GBF1: variants seen among roughly 807,000 people sequenced by gnomAD.
GBF1 encodes the protein Golgi-specific brefeldin A-resistance guanine nucleotide exchange factor 1.
GBF1 carries 114 observed loss-of-function variants against 210.5 expected under a neutral mutation model. The ratio of observed to expected loss-of-function variants is 0.54; its 90% CI spans 0.47 to 0.63. The LOEUF (loss-of-function observed/expected upper bound fraction) is 0.63, where lower values mean the gene tolerates loss of function less well. Among genes scored for constraint, GBF1 ranks in the 30% least tolerant of loss-of-function variants. GBF1 has a pLI of 0.00. For missense variants in GBF1, 1,851 were observed against 2,357.7 expected, an observed-to-expected ratio of 0.79 and a Z score of 4.45; for synonymous variants, 850 against 889.2, an observed-to-expected ratio of 0.96 and a Z score of 0.78.
At chr10:102,236,096 T>C in the GBF1 span, among the ~76,000 whole-genome samples, 43 of 152,206 alleles carry the variant, frequency 2.8e-4, no homozygotes, top group African/African-American at 9.6e-4. Context: ...GGTGGGGGCA[T>C]AGACCTCTAG....
At chr10:102,263,680 A>C (rs920181289) in intron 3 of GBF1, among the ~76,000 whole-genome samples, 3 of 152,200 alleles carry the variant, frequency 2.0e-5, no homozygotes, top group East Asian at 3.8e-4. Context: ...CTAAGTCCAT[A>C]CTAGTTTTTC....
In GBF1 at chr10:102,358,486, TCACATA is replaced by T. The variant is rs760364849; in HGVS notation, c.788-18_788-13del. The T allele has an allele frequency of 6.4e-7, 1 of 1,561,546 alleles. No homozygotes were observed. Among genetic ancestry groups the T allele is most frequent in the South Asian group, 1.1e-5 (1 of 90,038 alleles). ...CAGCCTCTTTCTTCTCCTTCAAGCG[TCACATA>T]CTTTTCTTGGCAGGTGGCATGCCCT... On this transcript the variant is annotated splice_polypyrimidine_tract_variant and intron_variant, in intron 9 of 39. Transcript: ENST00000369983.
In GBF1 at chr10:102,382,460, TG is replaced by T. The variant is rs2060914537; in HGVS notation, c.*128del. On this transcript the variant is annotated 3_prime_UTR_variant, in exon 40 of 40. Coordinates refer to ENST00000369983, the MANE Select transcript of GBF1 (RefSeq NM_001377137.1). ...AGAGCTGCTGTTGCTGCCACTTGGA[TG>T]GGGACCTGAAAAAGAGAATGTTGAT... 1 of 800,366 alleles carries T rather than the reference TG, an allele frequency of 1.2e-6. No homozygotes were observed. The highest frequency in any genetic ancestry group is 2.8e-5 in the Admixed American group (1 of 36,048). 49.6% of individuals were successfully genotyped at this position (800,366 alleles called of 1,614,324 possible).
In GBF1 at chr10:102,366,540, C is replaced by A. The variant is rs1211695063; in HGVS notation, c.2433+34C>A. On this transcript the variant is annotated intron_variant, in intron 19 of 39. Transcript: ENST00000369983. This position sits in a 1 kb window ranked among gnomAD's most constrained non-coding sequence, Gnocchi z 4.0. Reference sequence around the variant, plus strand: ...GAGTGTCAGGGGCTGAGCCCAGGATCCAAGGTCAGTTTGACTGAGGGCTGA... The same window carrying A: ...GAGTGTCAGGGGCTGAGCCCAGGATACAAGGTCAGTTTGACTGAGGGCTGA... 9 of 1,593,140 alleles carry A rather than the reference C, an allele frequency of 5.6e-6. No individual in the cohort carries two copies. The highest frequency in any genetic ancestry group is 7.7e-6 in the Non-Finnish European group (9 of 1,163,524).
intron 3 of GBF1, among the ~76,000 whole-genome samples, chr10:102,316,644 A>T (rs928758851): frequency 5.3e-5 from 8 of 152,240 alleles, no homozygotes; most frequent in Admixed American, 2.0e-4. Flanking sequence ...AATCATAGTC[A>T]TTGAATTTCT....
intron 3 of GBF1, among the ~76,000 whole-genome samples, chr10:102,338,256 T>TTG: frequency 6.7e-6 from 1 of 149,420 alleles, no homozygotes; most frequent in Non-Finnish European, 1.5e-5. Context: ...TTTTTTTTTT[T>TTG]TTGAGACAGA....
chr10:102,265,715 G>A (rs1206162127), intron 3 of GBF1, among the ~76,000 whole-genome samples: 2 of 152,048 alleles, frequency 1.3e-5, no homozygotes, highest in African/African-American at 4.8e-5. Flanking sequence ...ATGAATGAAA[G>A]AAAGTATCAC....
chr10:102,292,559 G>A (rs1296494464), intron 3 of GBF1, among the ~76,000 whole-genome samples: 1 of 152,070 alleles, frequency 6.6e-6, no homozygotes, highest in Non-Finnish European at 1.5e-5. Context: ...TAGAGATGGG[G>A]TTCTCGCCAG....
the GBF1 span, among the ~76,000 whole-genome samples, chr10:102,231,284 G>A: frequency 1.3e-5 from 2 of 152,232 alleles, no homozygotes; most frequent in African/African-American, 4.8e-5. Context: ...AGGCGCGGGC[G>A]GCTGGACCGA....
At chr10:102,277,421 G>A (rs1327796096) in intron 3 of GBF1, among the ~76,000 whole-genome samples, 3 of 141,270 alleles carry the variant, frequency 2.1e-5, no homozygotes, top group African/African-American at 5.3e-5. Context: ...AGACAGTCTC[G>A]CTCTGTCACC....
At chr10:102,361,162 GGGAGATATAT>G (rs1473873157) in intron 13 of GBF1, 42 bp downstream of exon 13, 2 of 1,038,638 alleles carry the variant, frequency 1.9e-6, no homozygotes, top group East Asian at 4.7e-5. Flanking sequence ...AAAAAAAATA[GGGAGATATAT>G]GGCATCTTCA....
In GBF1 at chr10:102,381,164, C is replaced by G; in HGVS notation, c.5211C>G (p.Leu1737=). Residue 1737 remains leucine (L), a synonymous_variant, in exon 39 of 40, where the codon CTC becomes CTG. Coordinates refer to ENST00000369983, the MANE Select transcript of GBF1 (RefSeq NM_001377137.1). Reference sequence around the variant, plus strand: ...TGGAGCCTCAAGGCCAAAAGCCTCTCGCCTCAGCCCACCTGACTTCCGCTG... The same window carrying G: ...TGGAGCCTCAAGGCCAAAAGCCTCTGGCCTCAGCCCACCTGACTTCCGCTG... ...MPMEPQGQKP[L]ASAHLTSAAG... The G allele has an allele frequency of 6.2e-7, 1 of 1,613,884 alleles. No individual in the cohort carries two copies. The highest frequency in any genetic ancestry group is 1.7e-5 in the Admixed American group (1 of 60,018).
upstream of GBF1, among the ~76,000 whole-genome samples, chr10:102,243,176 T>A (rs528093784): frequency 3.3e-5 from 5 of 152,208 alleles, no homozygotes; most frequent in South Asian, 1.0e-3. Flanking sequence ...TTCCTACTCC[T>A]CCAATGTTCC....
chr10:102,230,888 C>T, the GBF1 span: 8 of 1,610,344 alleles, frequency 5.0e-6, no homozygotes, highest in African/African-American at 9.4e-5. Flanking sequence ...AGAGGCCCCA[C>T]GTTGACCGAG....
At chr10:102,360,132 C>T in intron 11 of GBF1, 52 bp from the exon 12 acceptor site, 1 of 1,170,166 alleles carries the variant, frequency 8.5e-7, no homozygotes. Flanking sequence ...TAGGCAAAGC[C>T]AGCAGACTAG....
At position 102,247,227 on chromosome 10, in the gene GBF1, G is replaced by T. The variant is rs539404538; in HGVS notation, c.-11+1446G>T. ...TTCCTACCTTTGTCCTTATGAAATT[G>T]AAATTTCATAATTTCCCTTTTCCCT... On this transcript the variant is annotated intron_variant, in intron 1 of 39. Coordinates refer to ENST00000369983, the MANE Select transcript of GBF1 (RefSeq NM_001377137.1). 2.0e-5 allele frequency among the ~76,000 whole-genome samples: 3 copies of T among 152,274 alleles called. No homozygotes were observed. The South Asian group carries it at 6.2e-4, about 32-fold the overall frequency.
chr10:102,243,953 A>C (rs2070626025), upstream of GBF1, among the ~76,000 whole-genome samples: 1 of 152,134 alleles, frequency 6.6e-6, no homozygotes, highest in Non-Finnish European at 1.5e-5. Context: ...AACATGGTGA[A>C]ACCCCATCTC....
At chr10:102,353,577 T>C (rs1318134832) in intron 7 of GBF1, 23 bp from the exon 8 acceptor site, 2 of 1,542,654 alleles carry the variant, frequency 1.3e-6, no homozygotes, top group South Asian at 1.1e-5. Flanking sequence ...CTAATGACAG[T>C]TGATGGATTT....
chr10:102,274,060 T>C (rs1252690231), intron 3 of GBF1, among the ~76,000 whole-genome samples: 1 of 152,180 alleles, frequency 6.6e-6, no homozygotes, highest in Non-Finnish European at 1.5e-5. Context: ...AAATATTTGT[T>C]GATTACTTAC....
Sources: allele counts gnomAD v4.1 joint callset (sites outside exome capture counted in the v4.1 genomes callset), GRCh38; gene constraint gnomAD v4.1.1; non-coding constraint Gnocchi (gnomAD v3.1); transcripts MANE v1.5; gene names NCBI Gene and HGNC (gene_info 2026-07-23, HGNC 2026-07-21).